FAM83E: variants seen among roughly 807,000 people sequenced by gnomAD.
FAM83E encodes protein FAM83E.
A neutral mutation model predicts 34.3 loss-of-function variants in FAM83E; 29 were observed. That is an observed-to-expected ratio of 0.85 (90% confidence interval 0.63 to 1.15). FAM83E has a LOEUF of 1.15. FAM83E is among the 50% of genes most tolerant of loss of function. The pLI is 0.00. For synonymous variants in FAM83E, 312 were observed against 311.6 expected (o/e 1.00, Z -0.01); for missense variants, 697 against 685.0 (o/e 1.02, Z -0.20).
chr19:48,613,181 A>G lies in FAM83E; in HGVS notation c.192T>C (p.Val64=), dbSNP rs376524. The G allele has an allele frequency of 0.24, 383,583 of 1,611,460 alleles. 50,602 individuals are homozygous for G. Among genetic ancestry groups the G allele is most frequent in the East Asian group, 0.54 (24,093 of 44,836 alleles). The change falls in exon 3 of 7, where the codon GTT becomes GTC. Residue 64 remains valine (V), a synonymous_variant. Coordinates refer to ENST00000263266, the MANE Select transcript of FAM83E (RefSeq NM_017708.4). ...CTTCAGCTGCCGCTGCCAAGCCCTG[A>G]ACCTCATCCGCACTGAGGAAGGGCC... ...ELWPFLSADE[V]QGLAAAAEDW...
intron 3 of FAM83E, among the ~76,000 whole-genome samples, chr19:48,611,376 G>A (rs533408706): frequency 6.6e-6 from 1 of 151,240 alleles, no homozygotes; most frequent in Admixed American, 6.6e-5. Context: ...CACCGTGTTA[G>A]CCAGGATGGT....
chr19:48,610,777 C>T lies in FAM83E; in HGVS notation c.536G>A (p.Arg179His), dbSNP rs372171398. ...GAGCAGGTAGACAGGTACCCAGCGG[C>T]GCGTGGCAGCATCCACCAAGTCCAA... is the stretch of plus-strand genomic sequence containing the variant. ...LLLDLVDAAT[R>H]RWVPVYLLLD... Residue 179 changes from arginine (R) to histidine (H), a missense_variant, in exon 4 of 7, where the codon CGC becomes CAC. Transcript: ENST00000263266. The T allele has an allele frequency of 2.4e-5, 38 of 1,588,596 alleles. No homozygotes were observed. Among genetic ancestry groups the T allele is most frequent in the Admixed American group, 1.1e-4 (6 of 56,340 alleles).
In FAM83E at chr19:48,614,248, G is replaced by A. The variant is rs1974103405; in HGVS notation, c.-876C>T. 1.0e-6 allele frequency: 1 copy of A among 985,426 alleles called. No homozygotes were observed. The highest frequency in any genetic ancestry group is 1.1e-4 in the East Asian group (1 of 8,794). The allele number at this position is 985,426 out of a possible 1,614,324, so 61.0% of individuals were successfully genotyped here. ...GCGCTACAGGGGTCTCCATTACTAT[G>A]GGACAGGTCTATGATCTTCACAGCC... On this transcript the variant is annotated 5_prime_UTR_variant, in exon 3 of 7. Transcript: ENST00000263266.
rs777057904 is a variant in FAM83E, at chr19:48,601,152, G to A, written c.1394C>T (p.Pro465Leu). The change falls in exon 7 of 7, where the codon CCG becomes CTG. Residue 465 changes from proline to leucine, a missense_variant. Coordinates refer to ENST00000263266, the MANE Select transcript of FAM83E (RefSeq NM_017708.4). The stretch of plus-strand genomic sequence containing the variant: ...TCCTGCCCGGGGGGCCCAGTCTGAC[G>A]GCCTGACGCCTCTGGGCTCTTGAAG... ...FKLQEPRGVR[P>L]SDWAPRAGLG... is the part of the protein sequence containing the mutation. 36 of 1,613,008 alleles carry A rather than the reference G, an allele frequency of 2.2e-5. No individual in the cohort carries two copies. The highest frequency in any genetic ancestry group is 1.6e-4 in the Middle Eastern group (1 of 6,082).
Position 48,609,942 on chromosome 19 carries a change from AC to A in FAM83E, c.691del (p.Val231Ter). On this transcript the variant is annotated frameshift_variant, in exon 5 of 7. Coordinates refer to ENST00000263266, the MANE Select transcript of FAM83E (RefSeq NM_017708.4). LOFTEE classifies it high-confidence loss of function. ...AAACTTCTCCCGCACGGTGCCGCTCACCTGCCGTCGCCAGCGGCTCTGGAAG... is the reference window on the plus strand; with the variant it reads ...AAACTTCTCCCGCACGGTGCCGCTCACTGCCGTCGCCAGCGGCTCTGGAAG... ...CSFQSRWRRQ[V>X]SGTVREKFVL... 6.2e-7 allele frequency: 1 copy of A among 1,612,944 alleles called. No individual in the cohort carries two copies. The highest frequency in any genetic ancestry group is 8.5e-7 in the Non-Finnish European group (1 of 1,179,948).
chr19:48,603,790 C>T lies in FAM83E; in HGVS notation c.880G>A (p.Ala294Thr). The change falls in exon 6 of 7, where the codon GCG becomes ACG. Residue 294 changes from alanine to threonine, a missense_variant. Transcript: ENST00000263266. ...ATGACCGAGGGTTTCTGGGGGGGCG[C>T]AGGTGGGAGCGGGCAGGAGGCCGCG... ...LYAASCPLPP[A>T]PPQKPSVIGG... 2 of 1,594,434 alleles carry T rather than the reference C, an allele frequency of 1.3e-6. No homozygotes were observed. Among genetic ancestry groups the T allele is most frequent in the Non-Finnish European group, 1.7e-6 (2 of 1,172,006 alleles).
At position 48,613,030 on chromosome 19, in the gene FAM83E, C is replaced by T. The variant is rs1974074448; in HGVS notation, c.343G>A (p.Gly115Ser). 1 of 1,603,318 alleles carries T rather than the reference C, an allele frequency of 6.2e-7. No homozygotes were observed. The highest frequency in any genetic ancestry group is 1.3e-5 in the African/African-American group (1 of 74,920). The change falls in exon 3 of 7, where the codon GGC becomes AGC. Residue 115 changes from glycine (G) to serine (S), a missense_variant. Physicochemically the swap from Gly to Ser is moderately conservative, Grantham distance 56 (BLOSUM62 0). Coordinates refer to ENST00000263266, the MANE Select transcript of FAM83E (RefSeq NM_017708.4). ...SEQPAPVLRL[G>S]WPVDSAWKGI... is the part of the protein sequence containing the mutation. ...TTCCACGCAGAGTCCACTGGCCAGC[C>T]CAGCCGCAGGACGGGCGCCGGCTGC...
At chr19:48,608,605 C>T (rs1973979614) in intron 5 of FAM83E, among the ~76,000 whole-genome samples, 1 of 150,038 alleles carries the variant, frequency 6.7e-6, no homozygotes, top group East Asian at 2.0e-4. Flanking sequence ...CCACCAGGCC[C>T]GGCTGATTTT....
At chr19:48,608,350 C>T (rs1973973060) in intron 5 of FAM83E, among the ~76,000 whole-genome samples, 3 of 151,328 alleles carry the variant, frequency 2.0e-5, no homozygotes, top group Admixed American at 1.3e-4. Flanking sequence ...TGGGCTCAAG[C>T]GATCCTCCTG....
chr19:48,605,548 C>T (rs1252708275), intron 5 of FAM83E, among the ~76,000 whole-genome samples: 3 of 151,192 alleles, frequency 2.0e-5, no homozygotes, highest in Non-Finnish European at 2.9e-5. Context: ...GCACTCCAGT[C>T]TAGGCAACAG....
At position 48,600,615 on chromosome 19, in the gene FAM83E, T is replaced by G. The variant is rs1465032443; in HGVS notation, c.*494A>C. Among the ~76,000 whole-genome samples the G allele has an allele frequency of 1.3e-5, 2 of 151,574 alleles. No homozygotes were observed. The highest frequency in any genetic ancestry group is 4.9e-5 in the African/African-American group (2 of 41,202). On this transcript the variant is annotated 3_prime_UTR_variant, in exon 7 of 7. Coordinates refer to ENST00000263266, the MANE Select transcript of FAM83E (RefSeq NM_017708.4). ...TCCCAAAGTGCTGGGATTACAGGAG[T>G]GAGCCACCTCGATCAGCCTTTCTTT...
At position 48,600,704 on chromosome 19, in the gene FAM83E, T is replaced by C. The variant is rs1239109615; in HGVS notation, c.*405A>G. On this transcript the variant is annotated 3_prime_UTR_variant, in exon 7 of 7. Coordinates refer to ENST00000263266, the MANE Select transcript of FAM83E (RefSeq NM_017708.4). ...TCTCACTGTGTTGCCCAGGCTGGAG[T>C]GCAAGGGCATGATCTTGGCTCACTG... is the stretch of plus-strand genomic sequence containing the variant. 2.5e-5 allele frequency: 4 copies of C among 158,632 alleles called. No individual in the cohort carries two copies. Among genetic ancestry groups the C allele is most frequent in the African/African-American group, 9.8e-5 (4 of 41,016 alleles). The allele number at this position is 158,632 out of a possible 1,614,324, so 9.8% of individuals were successfully genotyped here.
At chr19:48,611,178 T>G (rs1286237070) in intron 3 of FAM83E, among the ~76,000 whole-genome samples, 16 of 151,522 alleles carry the variant, frequency 1.1e-4, no homozygotes, top group Non-Finnish European at 2.2e-4. Context: ...TTGTTGTTTT[T>G]TTTTTTTTGA....
At position 48,613,156 on chromosome 19, in the gene FAM83E, C is replaced by A. The variant is rs1386512076; in HGVS notation, c.217G>T (p.Asp73Tyr). ...EVQGLAAAAE[D>Y]WTVAKQEPSG... ...GGCTCCTGCTTGGCCACTGTCCAGT[C>A]TTCAGCTGCCGCTGCCAAGCCCTGA... The change falls in exon 3 of 7, where the codon GAC (aspartate) becomes TAC (tyrosine). Residue 73 changes from aspartate to tyrosine, a missense_variant. Coordinates refer to ENST00000263266, the MANE Select transcript of FAM83E (RefSeq NM_017708.4). The A allele has an allele frequency of 6.2e-7, 1 of 1,612,044 alleles. No homozygotes were observed. The highest frequency in any genetic ancestry group is 1.1e-5 in the South Asian group (1 of 91,078).
chr19:48,602,818 TTTATTGTTTA>T (rs1973850889), intron 6 of FAM83E, among the ~76,000 whole-genome samples: 5 of 79,776 alleles, frequency 6.3e-5, no homozygotes, highest in South Asian at 1.0e-3. Flanking sequence ...AATGTATTTA[TTTATTGTTTA>T]TTATTATTAT....
Position 48,612,932 on chromosome 19 carries a change from C to A in FAM83E, c.441G>T (p.Arg147=), listed in dbSNP as rs891483403. The change falls in exon 3 of 7, where the codon CGG becomes CGT. Residue 147 remains arginine (R), a synonymous_variant. Transcript: ENST00000263266. ...CCTTGTGGGCAGCCTGGATCTCCAG[C>A]CGCACCAGCTCCTTGAGGGGCGGCT... The part of the protein sequence containing the change: ...EGQPPLKELV[R]LEIQAAHKLV... 1 of 1,567,314 alleles carries A rather than the reference C, an allele frequency of 6.4e-7. No individual in the cohort carries two copies. Among genetic ancestry groups the A allele is most frequent in the Non-Finnish European group, 8.7e-7 (1 of 1,154,710 alleles).
intron 5 of FAM83E, among the ~76,000 whole-genome samples, chr19:48,609,147 TGAGA>T (rs1410775663): frequency 1.3e-5 from 2 of 151,978 alleles, no homozygotes; most frequent in Non-Finnish European, 2.9e-5. Context: ...AACGAGGAAC[TGAGA>T]GAGCTAGAAT....
At chr19:48,612,227 T>G (rs889821812) in intron 3 of FAM83E, among the ~76,000 whole-genome samples, 6 of 152,030 alleles carry the variant, frequency 3.9e-5, no homozygotes, top group Admixed American at 1.3e-4. Context: ...CACAGCAGGC[T>G]TTCCAAGGGC....
chr19:48,604,322 ATTTTTTT>A (rs913336534), intron 5 of FAM83E, among the ~76,000 whole-genome samples: 14 of 97,922 alleles, frequency 1.4e-4, no homozygotes, highest in Admixed American at 2.1e-4. Context: ...TGACCCTGGG[ATTTTTTT>A]TTTTTTTTTT....
Sources: gnomAD v4.1 joint callset for allele counts (sites outside exome capture counted in the v4.1 genomes callset) on GRCh38, gnomAD v4.1.1 for gene constraint, MANE v1.5 for transcripts, NCBI Gene and HGNC (gene_info 2026-07-23, HGNC 2026-07-21) for gene names.